The following UNC45B variants were observed in gnomAD, a reference collection of about 807,000 sequenced individuals.
UNC45B encodes the protein protein unc-45 homolog B.
In UNC45B, 78 loss-of-function variants were observed where a neutral mutation model predicts 98.7. That is an observed-to-expected ratio of 0.79 (90% CI 0.66 to 0.95). The LOEUF is 0.95. UNC45B is among the 40% of genes least tolerant of loss of function. The pLI is 0.00. For synonymous variants in UNC45B, 462 were observed against 480.4 expected (o/e 0.96, Z 0.50); for missense variants, 1,225 against 1,184.9 (o/e 1.03, Z -0.50).
At chr17:35,179,116 A>G (rs557487369) in intron 17 of UNC45B, among the ~76,000 whole-genome samples, 1 of 152,346 alleles carries the variant, frequency 6.6e-6, no homozygotes, top group South Asian at 2.1e-4. Context: ...CTTCATGGGA[A>G]TGGCATTGAA....
chr17:35,168,589 C>T (rs1478189470), intron 10 of UNC45B, among the ~76,000 whole-genome samples: 1 of 152,168 alleles, frequency 6.6e-6, no homozygotes, highest in East Asian at 1.9e-4. Flanking sequence ...GTTCGTCTCC[C>T]TGCTTATGAA....
In UNC45B at chr17:35,148,982, G is replaced by C. The variant is rs16970659; in HGVS notation, c.178G>C (p.Val60Leu). ...AACGLKTESYVQAASDASRAI... is the reference protein window; with the variant it reads ...AACGLKTESYLQAASDASRAI... ...CTTCCCCTTTCCTCAGGAGAGCTAC[G>C]TCCAGGCAGCTTCAGATGCCTCCAG... The change falls in exon 3 of 20, where the codon GTC becomes CTC. Residue 60 changes from valine to leucine, a missense_variant. By Grantham distance (32) the Val-to-Leu change is conservative. Coordinates refer to ENST00000394570, the MANE Select transcript of UNC45B (RefSeq NM_001267052.2). 6.2e-7 allele frequency: 1 copy of C among 1,613,950 alleles called. No homozygotes were observed. Among genetic ancestry groups the C allele is most frequent in the Admixed American group, 1.7e-5 (1 of 59,994 alleles).
chr17:35,186,707 T>G lies in UNC45B; in HGVS notation c.*148T>G. The G allele has an allele frequency of 3.4e-6, 3 of 890,908 alleles. No homozygotes were observed. The highest frequency in any genetic ancestry group is 5.0e-6 in the Non-Finnish European group (3 of 603,630). 55.2% of individuals were successfully genotyped at this position (890,908 alleles called of 1,614,324 possible). A position where few individuals can be genotyped will look rare whatever the true frequency, so the allele number is the denominator to read the frequency against. ...AGGAAAGACTTGATTGTTCTCTGAG[T>G]TGTGAGTCTTCTCCTTTGTCCTGAC... On this transcript the variant is annotated 3_prime_UTR_variant, in exon 20 of 20. Coordinates refer to ENST00000394570, the MANE Select transcript of UNC45B (RefSeq NM_001267052.2).
At chr17:35,165,637 C>T (rs60884819) in intron 9 of UNC45B, among the ~76,000 whole-genome samples, 47 of 152,106 alleles carry the variant, frequency 3.1e-4, no homozygotes, top group African/African-American at 1.1e-3. Flanking sequence ...TTTAAAAATC[C>T]TTTAAAATGC....
intron 19 of UNC45B, among the ~76,000 whole-genome samples, chr17:35,184,181 C>G (rs1567771280): frequency 1.3e-5 from 2 of 152,178 alleles, no homozygotes; most frequent in Non-Finnish European, 2.9e-5. Context: ...AAGGCAGGCT[C>G]TTCTAGATAG....
intron 18 of UNC45B, 151 bp downstream of exon 18, chr17:35,180,827 G>C: frequency 1.7e-6 from 1 of 582,526 alleles, no homozygotes; most frequent in Non-Finnish European, 3.0e-6. Flanking sequence ...ATATTTCCTA[G>C]ATTATAGCCC....
rs9897695 is a variant in UNC45B at position 35,161,815 on chromosome 17, C to T, written c.980-2180C>T. 5.5e-3 allele frequency among the ~76,000 whole-genome samples: 830 copies of T among 152,100 alleles called. 11 individuals are homozygous for T. Among genetic ancestry groups the T allele is most frequent in the African/African-American group, 0.019 (777 of 41,480 alleles). ...AGGATTGGAACTTTCGGCCCCCCAC[C>T]CCTTACCTCCAGGAAGGGGAGAGGG... On this transcript the variant is annotated intron_variant, in intron 8 of 19. Transcript: ENST00000394570.
At chr17:35,162,650 C>T (rs1228297473) in intron 8 of UNC45B, among the ~76,000 whole-genome samples, 1 of 152,052 alleles carries the variant, frequency 6.6e-6, no homozygotes, top group African/African-American at 2.4e-5. Flanking sequence ...AGTGCAATGG[C>T]GTGATCTTGG....
At chr17:35,176,955 G>T in intron 15 of UNC45B, 62 bp from the exon 16 acceptor site, 2 of 1,340,588 alleles carry the variant, frequency 1.5e-6, no homozygotes, top group South Asian at 1.2e-5. Context: ...CCTGGAGCAG[G>T]AGGATAGGCG....
At chr17:35,155,520 G>C (rs1268138783) in intron 7 of UNC45B, 56 bp downstream of exon 7, 4 of 1,570,914 alleles carry the variant, frequency 2.5e-6, no homozygotes, top group Non-Finnish European at 3.5e-6. Context: ...AAGGTCAGTT[G>C]CTACCTCAGA....
chr17:35,149,219 G>C (rs1356339706), intron 3 of UNC45B, among the ~76,000 whole-genome samples: 6 of 152,172 alleles, frequency 3.9e-5, no homozygotes, highest in Admixed American at 3.9e-4. Flanking sequence ...CAACTCCCAG[G>C]TGGGTCAGAG....
In UNC45B at chr17:35,148,964, T is replaced by C. The variant is rs540064394; in HGVS notation, c.169-9T>C. The C allele has an allele frequency of 6.2e-7, 1 of 1,613,930 alleles. No individual in the cohort carries two copies. The highest frequency in any genetic ancestry group is 1.1e-5 in the South Asian group (1 of 91,038). On this transcript the variant is annotated splice_polypyrimidine_tract_variant and intron_variant, in intron 2 of 19. Transcript: ENST00000394570. ...TAACCGAGTCTCCTTCTCCTTCCCC[T>C]TTCCTCAGGAGAGCTACGTCCAGGC...
rs369928772 is a variant in UNC45B, at chr17:35,173,211, C to T, written c.1831-1031C>T. Among the ~76,000 whole-genome samples the T allele has an allele frequency of 2.0e-4, 31 of 151,382 alleles. 1 individual carries two copies. The highest frequency in any genetic ancestry group is 3.4e-3 in the Middle Eastern group (1 of 292). On this transcript the variant is annotated intron_variant, in intron 13 of 19. Coordinates refer to ENST00000394570, the MANE Select transcript of UNC45B (RefSeq NM_001267052.2). ...TGCAATCTTGGCTCACTGCAACCTCCGCCTCTTGGGCTCAAGCAATTCTCC... is the reference window on the plus strand; with the variant it reads ...TGCAATCTTGGCTCACTGCAACCTCTGCCTCTTGGGCTCAAGCAATTCTCC...
In UNC45B at chr17:35,159,510, A is replaced by C; in HGVS notation, c.944A>C (p.His315Pro). 2 of 1,614,152 alleles carry C rather than the reference A, an allele frequency of 1.2e-6. No individual in the cohort carries two copies. Among genetic ancestry groups the C allele is most frequent in the Non-Finnish European group, 1.7e-6 (2 of 1,180,000 alleles). ...KNVPRKDLAIHDNSRTIYVVD... is the reference protein window; with the variant it reads ...KNVPRKDLAIPDNSRTIYVVD... Reference sequence around the variant, plus strand: ...GTTCCCAGGAAGGACCTTGCCATTCATGACAACTCACGTACCATCTATGTG... The same window carrying C: ...GTTCCCAGGAAGGACCTTGCCATTCCTGACAACTCACGTACCATCTATGTG... Residue 315 changes from histidine to proline, a missense_variant, in exon 8 of 20, where the codon CAT becomes CCT. Coordinates refer to ENST00000394570, the MANE Select transcript of UNC45B (RefSeq NM_001267052.2).
chr17:35,175,447 G>A (rs1225736916), intron 14 of UNC45B, among the ~76,000 whole-genome samples: 1 of 152,196 alleles, frequency 6.6e-6, no homozygotes, highest in Non-Finnish European at 1.5e-5. Flanking sequence ...AGGCCTCCTG[G>A]GGGATGTGAC....
At chr17:35,171,184 T>A (rs1203507937) in intron 12 of UNC45B, 138 bp from the exon 13 acceptor site, 3 of 1,091,872 alleles carry the variant, frequency 2.7e-6, no homozygotes, top group Non-Finnish European at 3.9e-6. Context: ...TGCGCTGCTG[T>A]CTTTCCTCAG....
At chr17:35,157,787 T>C (rs1413414686) in intron 7 of UNC45B, among the ~76,000 whole-genome samples, 2 of 152,220 alleles carry the variant, frequency 1.3e-5, no homozygotes, top group Admixed American at 6.5e-5. Context: ...TCTGTATCTT[T>C]ATTAGCCATT....
At chr17:35,162,335 T>C (rs2092107989) in intron 8 of UNC45B, among the ~76,000 whole-genome samples, 1 of 152,220 alleles carries the variant, frequency 6.6e-6, no homozygotes, top group African/African-American at 2.4e-5. Context: ...CGTTGAATTG[T>C]AGGACACCCA....
intron 9 of UNC45B, among the ~76,000 whole-genome samples, chr17:35,166,085 C>CAAAAAAAAAAAAAAAA (rs1277152297): frequency 1.8e-3 from 30 of 16,240 alleles, no homozygotes; most frequent in Non-Finnish European, 2.6e-3. Context: ...ACCCTCATCT[C>CAAAAAAAAAAAAAAAA]TAAAAAAAAA....
Sources: gnomAD v4.1 joint callset for allele counts (sites outside exome capture counted in the v4.1 genomes callset) on GRCh38, gnomAD v4.1.1 for gene constraint, MANE v1.5 for transcripts, NCBI Gene and HGNC (gene_info 2026-07-23, HGNC 2026-07-21) for gene names.